Variants in CTNNA3 observed in about 807,000 individuals in gnomAD.
The protein encoded by CTNNA3 is catenin alpha 3.
A neutral mutation model predicts 95.7 loss-of-function variants in CTNNA3; 76 were observed. The observed-to-expected ratio is 0.79, with a 90% CI of 0.66 to 0.96. The LOEUF (loss-of-function observed/expected upper bound fraction) is 0.96, where lower values mean the gene tolerates loss of function less well. Ranked by LOEUF, CTNNA3 falls within the 40% of genes least tolerant of loss-of-function variation. CTNNA3 has a pLI of 0.00. For synonymous variants in CTNNA3, 431 were observed against 374.4 expected, an observed-to-expected ratio of 1.15 and a Z score of -1.74; for missense variants, 1,191 against 1,089.8, an observed-to-expected ratio of 1.09 and a Z score of -1.31.
At chr10:66,801,516 T>C (rs1270851700) in intron 7 of CTNNA3, among the ~76,000 whole-genome samples, 1 of 151,518 alleles carries the variant, frequency 6.6e-6, no homozygotes, top group East Asian at 1.9e-4. Context: ...TGAAACAGCA[T>C]CAAAAGTTAT....
chr10:66,618,428 T>C (rs1844609513), intron 10 of CTNNA3, among the ~76,000 whole-genome samples: 1 of 152,086 alleles, frequency 6.6e-6, no homozygotes, highest in African/African-American at 2.4e-5. Context: ...CTATCTGATC[T>C]TTGACAAACC....
intron 16 of CTNNA3, among the ~76,000 whole-genome samples, chr10:65,973,496 G>C (rs2078150198): frequency 6.6e-6 from 1 of 152,086 alleles, no homozygotes; most frequent in South Asian, 2.1e-4. Flanking sequence ...AAACAACTGA[G>C]CAAGCAAAAA....
At chr10:67,138,779 G>A (rs1860409523) in intron 7 of CTNNA3, among the ~76,000 whole-genome samples, 1 of 152,054 alleles carries the variant, frequency 6.6e-6, no homozygotes, top group South Asian at 2.1e-4. Context: ...TTATTGTTTT[G>A]TATGTATATC....
intron 3 of CTNNA3, among the ~76,000 whole-genome samples, chr10:67,591,988 C>CAGCATTA (rs1842802450): frequency 6.6e-6 from 1 of 152,124 alleles, no homozygotes; most frequent in Non-Finnish European, 1.5e-5. Flanking sequence ...ACCTGAAAAT[C>CAGCATTA]GAACTGCCAG....
intron 17 of CTNNA3, among the ~76,000 whole-genome samples, chr10:65,937,120 C>T (rs1328141269): frequency 6.6e-6 from 1 of 152,020 alleles, no homozygotes; most frequent in Non-Finnish European, 1.5e-5. Context: ...TTTATTGTAT[C>T]TCCTAAAGCT....
intron 5 of CTNNA3, among the ~76,000 whole-genome samples, chr10:67,237,159 TATATATATATATATAC>T (rs2132321246): frequency 2.7e-5 from 3 of 109,632 alleles, no homozygotes; most frequent in South Asian, 5.9e-4. Flanking sequence ...TATATATATA[TATATATATATATATAC>T]ACACACAATG....
At chr10:67,724,626 G>C (rs932369424) in intron 1 of CTNNA3, among the ~76,000 whole-genome samples, 1 of 152,114 alleles carries the variant, frequency 6.6e-6, no homozygotes, top group African/African-American at 2.4e-5. Context: ...ACAACCAATG[G>C]GGGCAAGGAG....
At chr10:65,991,377 A>G (rs1196242800) in intron 15 of CTNNA3, among the ~76,000 whole-genome samples, 1 of 152,078 alleles carries the variant, frequency 6.6e-6, no homozygotes, top group Non-Finnish European at 1.5e-5. Context: ...GACAATATTA[A>G]TTCTTCTGAT....
intron 9 of CTNNA3, among the ~76,000 whole-genome samples, chr10:66,693,432 C>A (rs933294457): frequency 6.7e-6 from 1 of 149,554 alleles, no homozygotes; most frequent in African/African-American, 2.5e-5. Context: ...ATATATGCAC[C>A]CAATACAGGA....
At chr10:66,282,758 TAAG>T (rs921148556) in intron 12 of CTNNA3, among the ~76,000 whole-genome samples, 1 of 151,888 alleles carries the variant, frequency 6.6e-6, no homozygotes, top group Non-Finnish European at 1.5e-5. Context: ...GGACACTCAA[TAAG>T]TTGTTTTATG....
intron 5 of CTNNA3, among the ~76,000 whole-genome samples, chr10:67,483,691 T>C (rs1356089736): frequency 6.6e-6 from 1 of 150,610 alleles, no homozygotes; most frequent in Non-Finnish European, 1.5e-5. Flanking sequence ...CACACCAGCA[T>C]GGCACATGTA....
intron 7 of CTNNA3, among the ~76,000 whole-genome samples, chr10:66,974,491 A>G (rs1263760129): frequency 6.6e-6 from 1 of 152,172 alleles, no homozygotes; most frequent in Admixed American, 6.6e-5. Context: ...ATTCGCCAGC[A>G]TATGTTTTTA....
intron 7 of CTNNA3, among the ~76,000 whole-genome samples, chr10:66,782,270 T>A (rs1420066111): frequency 6.6e-6 from 1 of 152,132 alleles, no homozygotes; most frequent in Non-Finnish European, 1.5e-5. Context: ...TCAAGAAATG[T>A]TAGCAGTTAT....
chr10:66,551,530 G>A (rs2939910), intron 10 of CTNNA3, among the ~76,000 whole-genome samples: 140,243 of 152,150 alleles, frequency 0.92, 64,822 homozygotes, highest in East Asian at 0.98. Context: ...TAAGACCACT[G>A]TTTCCTCAAC....
At chr10:67,321,129 T>G (rs560473678) in intron 5 of CTNNA3, among the ~76,000 whole-genome samples, 1 of 152,206 alleles carries the variant, frequency 6.6e-6, no homozygotes, top group Non-Finnish European at 1.5e-5. Context: ...GATCTTATCA[T>G]GATATTGTTA....
At chr10:66,425,816 C>A (rs1290676569) in intron 11 of CTNNA3, among the ~76,000 whole-genome samples, 1 of 151,948 alleles carries the variant, frequency 6.6e-6, no homozygotes, top group African/African-American at 2.4e-5. Context: ...CACAAACCAA[C>A]CACACATATG....
chr10:66,217,301 C>G (rs556092339), intron 13 of CTNNA3, among the ~76,000 whole-genome samples: 1 of 147,924 alleles, frequency 6.8e-6, no homozygotes, highest in African/African-American at 2.5e-5. Flanking sequence ...TGCAGTGAGC[C>G]GAGATCACGC....
chr10:66,791,375 T>C (rs926807664), intron 7 of CTNNA3, among the ~76,000 whole-genome samples: 6 of 152,340 alleles, frequency 3.9e-5, no homozygotes, highest in Admixed American at 1.3e-4. Flanking sequence ...GTTAAACATG[T>C]CATTCCCTTC....
At chr10:67,387,556 C>G (rs1045753795) in intron 5 of CTNNA3, among the ~76,000 whole-genome samples, 14 of 152,308 alleles carry the variant, frequency 9.2e-5, no homozygotes, top group African/African-American at 3.4e-4. Context: ...GTGGAGCCCA[C>G]CACAGCTCAA....
Sources: allele counts gnomAD v4.1 joint callset (sites outside exome capture counted in the v4.1 genomes callset), GRCh38; gene constraint gnomAD v4.1.1; transcripts MANE v1.5; gene names NCBI Gene and HGNC (gene_info 2026-07-23, HGNC 2026-07-21).